PDE3B: variants seen among roughly 807,000 people sequenced by gnomAD.
The protein encoded by PDE3B is phosphodiesterase 3B.
Under a neutral mutation model 116.8 loss-of-function variants are expected in PDE3B, and 66 were observed. That is an observed-to-expected ratio of 0.56 (90% CI 0.46 to 0.69). The LOEUF (loss-of-function observed/expected upper bound fraction) is 0.69. Ranked by LOEUF, PDE3B falls within the 30% of genes least tolerant of loss-of-function variation. The pLI, the probability that PDE3B is intolerant of heterozygous loss-of-function variation, is 0.00. For missense variants in PDE3B, 1,384 were observed against 1,368.1 expected, an observed-to-expected ratio of 1.01 and a Z score of -0.18; for synonymous variants, 595 against 533.6, an observed-to-expected ratio of 1.12 and a Z score of -1.59.
At chr11:14,662,852 G>A (rs1163398444) in intron 1 of PDE3B, among the ~76,000 whole-genome samples, 2 of 152,150 alleles carry the variant, frequency 1.3e-5, no homozygotes, top group African/African-American at 2.4e-5. Context: ...TGAAAGTGAC[G>A]GGGAGAATGG....
intron 1 of PDE3B, among the ~76,000 whole-genome samples, chr11:14,766,151 C>G (rs1359215920): frequency 6.6e-6 from 1 of 151,594 alleles, no homozygotes; most frequent in African/African-American, 2.4e-5. Flanking sequence ...TATTTTATAT[C>G]AGTGTATATT....
chr11:14,837,115 G>A lies in PDE3B; in HGVS notation c.2320+2020G>A, dbSNP rs143607000. Among the ~76,000 whole-genome samples the A allele has an allele frequency of 1.6e-3, 241 of 152,288 alleles. 2 individuals are homozygous for A. The highest frequency in any genetic ancestry group is 5.4e-3 in the African/African-American group (225 of 41,550). ...AGGCGTGAGCCACTGTGTCTGGCCGGCCCATTCTTTAAAGACAGCAGCATA... is the reference window on the plus strand; with the variant it reads ...AGGCGTGAGCCACTGTGTCTGGCCGACCCATTCTTTAAAGACAGCAGCATA... On this transcript the variant is annotated intron_variant, in intron 11 of 15. Coordinates refer to ENST00000282096, the MANE Select transcript of PDE3B (RefSeq NM_000922.4).
chr11:14,778,326 C>T (rs948264816), intron 2 of PDE3B, among the ~76,000 whole-genome samples: 1 of 152,142 alleles, frequency 6.6e-6, no homozygotes, highest in Non-Finnish European at 1.5e-5. Flanking sequence ...AGTGGTTCTC[C>T]CAGCACGGAG....
chr11:14,700,339 A>G (rs1222450173), intron 1 of PDE3B, among the ~76,000 whole-genome samples: 1 of 151,818 alleles, frequency 6.6e-6, no homozygotes, highest in Non-Finnish European at 1.5e-5. Context: ...AATTAGAAAT[A>G]CTTGCTCTTG....
chr11:14,789,937 C>CAT (rs1858333049), intron 4 of PDE3B, among the ~76,000 whole-genome samples: 1 of 151,898 alleles, frequency 6.6e-6, no homozygotes, highest in South Asian at 2.1e-4. Flanking sequence ...GTGAGTTTGT[C>CAT]ATAAGTTTTT....
chr11:14,677,016 T>C (rs997999213), intron 1 of PDE3B, among the ~76,000 whole-genome samples: 35 of 152,186 alleles, frequency 2.3e-4, no homozygotes, highest in African/African-American at 8.4e-4. Context: ...GCTTTTTCCA[T>C]GTAGATAACC....
chr11:14,873,832 A>G (rs1695282142), downstream of PDE3B, among the ~76,000 whole-genome samples: 1 of 152,146 alleles, frequency 6.6e-6, no homozygotes, highest in Admixed American at 6.5e-5. Flanking sequence ...GCTTGCTAAC[A>G]CTGCTGCATT....
At chr11:14,894,945 G>T in the PDE3B span, among the ~76,000 whole-genome samples, 1 of 152,224 alleles carries the variant, frequency 6.6e-6, no homozygotes, top group Non-Finnish European at 1.5e-5. Context: ...AGTACTCGGG[G>T]TGGAATGGGT....
intron 1 of PDE3B, among the ~76,000 whole-genome samples, chr11:14,697,305 T>TTTTG (rs895534477): frequency 2.6e-5 from 4 of 152,030 alleles, no homozygotes; most frequent in African/African-American, 9.7e-5. Context: ...GGATTAAGGT[T>TTTTG]TTTGTTTGTT....
chr11:14,852,848 C>T (rs1847780102), intron 12 of PDE3B, among the ~76,000 whole-genome samples: 1 of 152,028 alleles, frequency 6.6e-6, no homozygotes. Flanking sequence ...ATTGCTTGAG[C>T]CTAGGAGTTT....
rs1385364508 is a variant in PDE3B, at chr11:14,725,559, G to C, written c.979-46378G>C. ...CCTCCCCTCCCCTCTCCCTCCTCCT[G>C]CCTATTCTCTCCCCTCTCCCTCCCT... is the stretch of plus-strand genomic sequence containing the variant. On this transcript the variant is annotated intron_variant, in intron 1 of 15. Coordinates refer to ENST00000282096, the MANE Select transcript of PDE3B (RefSeq NM_000922.4). Among the ~76,000 whole-genome samples the C allele has an allele frequency of 1.2e-3, 74 of 61,230 alleles. 1 individual carries two copies. The highest frequency in any genetic ancestry group is 4.9e-3 in the South Asian group (5 of 1,030). 40.2% of individuals were successfully genotyped at this position (61,230 alleles called of 152,430 possible).
At chr11:14,683,103 A>G (rs1449603896) in intron 1 of PDE3B, among the ~76,000 whole-genome samples, 2 of 151,828 alleles carry the variant, frequency 1.3e-5, no homozygotes, top group Non-Finnish European at 2.9e-5. Context: ...ACGCCTGGCT[A>G]ATTTTTTTCT....
At chr11:14,851,385 T>C (rs1847748628) in intron 12 of PDE3B, among the ~76,000 whole-genome samples, 1 of 152,122 alleles carries the variant, frequency 6.6e-6, no homozygotes, top group Non-Finnish European at 1.5e-5. Flanking sequence ...TCAATCTCTT[T>C]CATATACTCC....
intron 2 of PDE3B, chr11:14,773,409 C>G (rs891849260): frequency 6.6e-6 from 1 of 151,804 alleles, no homozygotes; most frequent in Non-Finnish European, 1.5e-5. Flanking sequence ...GAGTGTTGGC[C>G]TATAAATTCT....
chr11:14,664,291 G>C (rs981309990), intron 1 of PDE3B, among the ~76,000 whole-genome samples: 15 of 152,122 alleles, frequency 9.9e-5, no homozygotes, highest in South Asian at 2.1e-4. Context: ...ATTTATAGCA[G>C]TAAATGCCCA....
chr11:14,892,170 C>T, the PDE3B span: 2 of 1,610,814 alleles, frequency 1.2e-6, no homozygotes, highest in Admixed American at 1.7e-5. Flanking sequence ...CGCCGAGCGC[C>T]GCCGCGCCCT....
chr11:14,885,830 T>C, the PDE3B span: 1 of 1,613,568 alleles, frequency 6.2e-7, no homozygotes, highest in Non-Finnish European at 8.5e-7. Flanking sequence ...TCTGCAAAAA[T>C]TTCGCTTTGA....
chr11:14,715,872 CAAT>C (rs1296363671), intron 1 of PDE3B, among the ~76,000 whole-genome samples: 1 of 152,152 alleles, frequency 6.6e-6, no homozygotes, highest in African/African-American at 2.4e-5. Context: ...AAATGTCCAA[CAAT>C]GATAGACTGG....
intron 1 of PDE3B, among the ~76,000 whole-genome samples, chr11:14,756,647 A>G (rs1339199633): frequency 6.6e-6 from 1 of 152,168 alleles, no homozygotes; most frequent in Non-Finnish European, 1.5e-5. Context: ...CGAGTTAGAG[A>G]GTGGATCTGA....
Sources: gnomAD v4.1 joint callset for allele counts (sites outside exome capture counted in the v4.1 genomes callset) on GRCh38, gnomAD v4.1.1 for gene constraint, MANE v1.5 for transcripts, NCBI Gene and HGNC (gene_info 2026-07-23, HGNC 2026-07-21) for gene names.